The following RPS6KA2 variants were observed in gnomAD, a reference collection of about 807,000 sequenced individuals.
The protein encoded by RPS6KA2 is ribosomal protein S6 kinase A2, also known as ribosomal protein S6 kinase alpha-2.
In RPS6KA2, 42 loss-of-function variants were observed where a neutral mutation model predicts 91.8. The ratio of observed to expected loss-of-function variants is 0.46; its 90% CI spans 0.36 to 0.59. The LOEUF (loss-of-function observed/expected upper bound fraction) is 0.59. Among genes scored for constraint, RPS6KA2 ranks in the 20% least tolerant of loss-of-function variants. RPS6KA2 has a pLI of 0.00. For missense variants in RPS6KA2, 798 were observed against 978.5 expected, an observed-to-expected ratio of 0.82 and a Z score of 2.46; for synonymous variants, 414 against 393.6, an observed-to-expected ratio of 1.05 and a Z score of -0.61.
intron 6 of RPS6KA2, among the ~76,000 whole-genome samples, chr6:166,501,875 A>G (rs910123765): frequency 2.0e-5 from 3 of 152,242 alleles, no homozygotes; most frequent in African/African-American, 7.2e-5. Flanking sequence ...TGATACCTTT[A>G]TAGAAACCTG....
rs1782332168 is a variant in RPS6KA2 at position 166,508,286 on chromosome 6, T to C, written c.380-4A>G. 6.2e-7 allele frequency: 1 copy of C among 1,605,478 alleles called. No individual in the cohort carries two copies. Among genetic ancestry groups the C allele is most frequent in the Non-Finnish European group, 8.5e-7 (1 of 1,172,270 alleles). On this transcript the variant is annotated splice_polypyrimidine_tract_variant and splice_region_variant and intron_variant, in intron 4 of 20. Transcript: ENST00000265678. This position sits in a 1 kb window ranked among gnomAD's most constrained non-coding sequence, Gnocchi z 4.3. Reference sequence around the variant, plus strand: ...AGCTTTCCTTCCGTCTGAAAGGCTGTGGGGGACAGAGACCCGCATTTTGAC... The same window carrying C: ...AGCTTTCCTTCCGTCTGAAAGGCTGCGGGGGACAGAGACCCGCATTTTGAC...
intron 10 of RPS6KA2, among the ~76,000 whole-genome samples, chr6:166,476,954 A>C (rs905128311): frequency 6.6e-6 from 1 of 152,142 alleles, no homozygotes; most frequent in Admixed American, 6.5e-5. Flanking sequence ...AATTCCCCAG[A>C]TGGTCAAAGG....
intron 2 of RPS6KA2, among the ~76,000 whole-genome samples, chr6:166,535,200 G>A (rs924733924): frequency 7.2e-5 from 11 of 152,124 alleles, no homozygotes; most frequent in Non-Finnish European, 1.2e-4. Context: ...TGTGAGAACC[G>A]CGACCTGGCA....
Position 166,448,581 on chromosome 6 carries a change from C to T in RPS6KA2, c.1332+143G>A. The T allele has an allele frequency of 9.7e-7, 1 of 1,035,210 alleles. No homozygotes were observed. The highest frequency in any genetic ancestry group is 1.4e-6 in the Non-Finnish European group (1 of 728,036). 64.1% of individuals were successfully genotyped at this position (1,035,210 alleles called of 1,614,324 possible). Reference sequence around the variant, plus strand: ...ATATGCTGTGCTCCTATGCTCCGTGCTCCCATGTGCTGTACATGCTCCCAC... The same window carrying T: ...ATATGCTGTGCTCCTATGCTCCGTGTTCCCATGTGCTGTACATGCTCCCAC... On this transcript the variant is annotated intron_variant, in intron 14 of 20. Transcript: ENST00000265678. The surrounding 1 kb of genome is among the most constrained non-coding windows in gnomAD (Gnocchi z 4.7).
chr6:166,476,000 T>A (rs1780959459), intron 10 of RPS6KA2, among the ~76,000 whole-genome samples: 1 of 152,046 alleles, frequency 6.6e-6, no homozygotes, highest in South Asian at 2.1e-4. Context: ...ATCCCCAATA[T>A]CCCCAATGTC....
intron 1 of RPS6KA2, among the ~76,000 whole-genome samples, chr6:166,617,210 A>G (rs1786446916): frequency 6.6e-6 from 1 of 152,258 alleles, no homozygotes; most frequent in African/African-American, 2.4e-5. Context: ...AACCTATTCT[A>G]GAAGCAACAG....
At chr6:166,715,288 G>A (rs929353898) in intron 2 of RPS6KA2, among the ~76,000 whole-genome samples, 2 of 152,212 alleles carry the variant, frequency 1.3e-5, no homozygotes, top group African/African-American at 4.8e-5. Context: ...GGCATGGACG[G>A]TAGCTGCCAC....
At chr6:166,746,079 T>C (rs1790999330) in intron 2 of RPS6KA2, among the ~76,000 whole-genome samples, 1 of 152,190 alleles carries the variant, frequency 6.6e-6, no homozygotes, top group African/African-American at 2.4e-5. Flanking sequence ...CCGGGTCACC[T>C]TCCGCCTCTA....
intron 2 of RPS6KA2, among the ~76,000 whole-genome samples, chr6:166,768,633 GAAAAC>G (rs1002490493): frequency 2.0e-5 from 3 of 151,934 alleles, no homozygotes; most frequent in African/African-American, 4.8e-5. Flanking sequence ...AGAGAGAGAG[GAAAAC>G]AAAACAAAAC....
At chr6:166,614,860 C>A (rs1786346075) in intron 1 of RPS6KA2, among the ~76,000 whole-genome samples, 1 of 152,220 alleles carries the variant, frequency 6.6e-6, no homozygotes, top group South Asian at 2.1e-4. Flanking sequence ...ACATTTAGGG[C>A]CTCCCCAGAT....
intron 2 of RPS6KA2, among the ~76,000 whole-genome samples, chr6:166,632,830 C>A (rs1787120848): frequency 6.6e-6 from 1 of 152,108 alleles, no homozygotes; most frequent in South Asian, 2.1e-4. Context: ...CAGGGACAGA[C>A]AGCGCAACTC....
At chr6:166,547,843 G>A (rs1006236757) in intron 1 of RPS6KA2, among the ~76,000 whole-genome samples, 4 of 152,238 alleles carry the variant, frequency 2.6e-5, no homozygotes, top group African/African-American at 7.2e-5. Context: ...GCAGACTGGC[G>A]GGCCCTGAAC....
upstream of RPS6KA2, among the ~76,000 whole-genome samples, chr6:166,631,451 G>A (rs1422336016): frequency 1.3e-5 from 2 of 152,198 alleles, no homozygotes; most frequent in Non-Finnish European, 2.9e-5. Context: ...AAGGCACAGG[G>A]CTCACAGAAG....
At chr6:166,785,772 A>C (rs1778912619) in intron 2 of RPS6KA2, among the ~76,000 whole-genome samples, 1 of 152,210 alleles carries the variant, frequency 6.6e-6, no homozygotes, top group African/African-American at 2.4e-5. Flanking sequence ...TAAAGCACTC[A>C]ATGATTTTAC....
chr6:166,429,362 C>T (rs1779042953), intron 16 of RPS6KA2, among the ~76,000 whole-genome samples: 1 of 151,516 alleles, frequency 6.6e-6, no homozygotes, highest in African/African-American at 2.4e-5. Context: ...GGGTGCAGCA[C>T]ACCAGCATGG....
intron 5 of RPS6KA2, among the ~76,000 whole-genome samples, chr6:166,506,816 C>T (rs1257425004): frequency 6.6e-6 from 1 of 152,146 alleles, no homozygotes; most frequent in Non-Finnish European, 1.5e-5. Flanking sequence ...GTGAAGGCCA[C>T]TGTTGCTGTG....
In RPS6KA2 at chr6:166,730,922, A is replaced by C. The variant is rs375774170; in HGVS notation, c.123+127278T>G. On this transcript the variant is annotated intron_variant, in intron 2 of 21. Coordinates refer to the RPS6KA2 transcript ENST00000503859. ...GGTGCAGGAAAGGCAACATTAGAAA[A>C]AAATCTCAGATCATGATAATTAAAA... 6.6e-5 allele frequency among the ~76,000 whole-genome samples: 10 copies of C among 152,300 alleles called. No individual in the cohort carries two copies. The East Asian group carries it at 7.7e-4, about 12-fold the overall frequency.
chr6:166,550,006 T>A (rs1311346885), intron 1 of RPS6KA2, among the ~76,000 whole-genome samples: 1 of 152,222 alleles, frequency 6.6e-6, no homozygotes, highest in Non-Finnish European at 1.5e-5. Context: ...TTGCCAATAT[T>A]GAAAGAGCTT....
At chr6:166,599,617 C>T (rs1785658031) in intron 1 of RPS6KA2, among the ~76,000 whole-genome samples, 1 of 152,068 alleles carries the variant, frequency 6.6e-6, no homozygotes, top group Non-Finnish European at 1.5e-5. Flanking sequence ...ATATGTATCT[C>T]TAAAAATACC....
Sources: gnomAD v4.1 joint callset for allele counts (sites outside exome capture counted in the v4.1 genomes callset) on GRCh38, gnomAD v4.1.1 for gene constraint, Gnocchi (gnomAD v3.1) non-coding constraint, MANE v1.5 for transcripts, NCBI Gene and HGNC (gene_info 2026-07-23, HGNC 2026-07-21) for gene names.